NAP1L5: variants seen among roughly 807,000 people sequenced by gnomAD.
NAP1L5 encodes the protein nucleosome assembly protein 1 like 5.
For synonymous variants in NAP1L5, 125 were observed against 103.6 expected (o/e 1.21, Z -1.25); for missense variants, 249 against 246.4 (o/e 1.01, Z -0.07).
chr4:88,697,361 A>G lies in NAP1L5; in HGVS notation c.394T>C (p.Trp132Arg), dbSNP rs553353703. 1.2e-6 allele frequency: 2 copies of G among 1,613,430 alleles called. No individual in the cohort carries two copies. Among genetic ancestry groups the G allele is most frequent in the East Asian group, 2.2e-5 (1 of 44,854 alleles). Residue 132 changes from tryptophan to arginine, a missense_variant, in exon 1 of 1, where the codon TGG becomes CGG. Trp to Arg is a moderately radical substitution (Grantham distance 101). Coordinates refer to ENST00000323061, the MANE Select transcript of NAP1L5 (RefSeq NM_153757.4). Reference protein sequence around the residue: ...ELTGEMEGCAWTLEGEEEEEE... With the variant: ...ELTGEMEGCARTLEGEEEEEE... Reference sequence around the variant, plus strand: ...TCCTCCTCCTCCCCCTCCAAGGTCCATGCACACCCCTCCATCTCGCCGGTG... The same window carrying G: ...TCCTCCTCCTCCCCCTCCAAGGTCCGTGCACACCCCTCCATCTCGCCGGTG...
Position 88,697,606 on chromosome 4 carries a change from T to C in NAP1L5, c.149A>G (p.Gln50Arg). 3 of 1,613,986 alleles carry C rather than the reference T, an allele frequency of 1.9e-6. No homozygotes were observed. Among genetic ancestry groups the C allele is most frequent in the Non-Finnish European group, 2.5e-6 (3 of 1,180,040 alleles). Residue 50 changes from glutamine to arginine, a missense_variant, in exon 1 of 1, where the codon CAG becomes CGG. By Grantham distance (43) the Gln-to-Arg change is conservative (BLOSUM62 1). Transcript: ENST00000323061. The part of the protein sequence containing the change: ...AAGDPDSAAG[Q>R]MAEEPQTPAE... ...AGGGGTCTGGGGCTCCTCAGCCATC[T>C]GACCAGCCGCGCTGTCAGGGTCACC...
chr4:88,697,095 C>T lies in NAP1L5; in HGVS notation c.*111G>A. 1.0e-6 allele frequency: 1 copy of T among 1,001,326 alleles called. No homozygotes were observed. Among genetic ancestry groups the T allele is most frequent in the Non-Finnish European group, 1.4e-6 (1 of 699,090 alleles). 62.0% of individuals were successfully genotyped at this position (1,001,326 alleles called of 1,614,324 possible). ...TTTTAGGAATGTCAGAATAAATTCA[C>T]ATTGTATTTTGGTCAAAAACCTGAG... On this transcript the variant is annotated 3_prime_UTR_variant, in exon 1 of 1. Coordinates refer to ENST00000323061, the MANE Select transcript of NAP1L5 (RefSeq NM_153757.4).
In NAP1L5 at chr4:88,696,998, A is replaced by G. The variant is rs1175538155; in HGVS notation, c.*208T>C. On this transcript the variant is annotated 3_prime_UTR_variant, in exon 1 of 1. Coordinates refer to ENST00000323061, the MANE Select transcript of NAP1L5 (RefSeq NM_153757.4). The stretch of plus-strand genomic sequence containing the variant: ...AGTTTTCTTTAACACCTTTTGATAT[A>G]TTTATTATGTTCAAAATGAAAGTCA... 2.1e-6 allele frequency: 1 copy of G among 471,580 alleles called. No homozygotes were observed. The highest frequency in any genetic ancestry group is 2.0e-5 in the African/African-American group (1 of 49,392). 29.2% of individuals were successfully genotyped at this position (471,580 alleles called of 1,614,324 possible).
At position 88,696,466 on chromosome 4, in the gene NAP1L5, G is replaced by A. The variant is rs750802600; in HGVS notation, c.*740C>T. ...TATTTGGGGTATTTTTTACGTGTTT[G>A]TAAATAGACAGTACTAAGAAAACAC... On this transcript the variant is annotated 3_prime_UTR_variant, in exon 1 of 1. Coordinates refer to ENST00000323061, the MANE Select transcript of NAP1L5 (RefSeq NM_153757.4). 3.3e-5 allele frequency: 5 copies of A among 152,516 alleles called. No individual in the cohort carries two copies. The highest frequency in any genetic ancestry group is 6.5e-5 in the Admixed American group (1 of 15,280). The allele number at this position is 152,516 out of a possible 1,614,324, so 9.4% of individuals were successfully genotyped here.
rs1734555262 is a variant in NAP1L5 at position 88,695,918 on chromosome 4, T to A, written c.*1288A>T. 1 of 152,578 alleles carries A rather than the reference T, an allele frequency of 6.6e-6. No homozygotes were observed. Among genetic ancestry groups the A allele is most frequent in the African/African-American group, 2.4e-5 (1 of 41,418 alleles). 9.5% of individuals were successfully genotyped at this position (152,578 alleles called of 1,614,324 possible). On this transcript the variant is annotated 3_prime_UTR_variant, in exon 1 of 1. Transcript: ENST00000323061. ...ACAGTACCGAGTCTTTTATATATAT[T>A]TTTTGAAAATACTGTTTTATTAACA...
In NAP1L5 at chr4:88,697,764, GA is replaced by G. The variant is rs751487322; in HGVS notation, c.-11del. On this transcript the variant is annotated 5_prime_UTR_variant, in exon 1 of 1. Coordinates refer to ENST00000323061, the MANE Select transcript of NAP1L5 (RefSeq NM_153757.4). ...TTTCCGAGTCGGCCATGTTAGAGGAGAAGCCGCAGAGGTCTAGGAGGGCTCC... is the reference window on the plus strand; with the variant it reads ...TTTCCGAGTCGGCCATGTTAGAGGAGAGCCGCAGAGGTCTAGGAGGGCTCC... The G allele has an allele frequency of 8.8e-6, 14 of 1,599,190 alleles. No homozygotes were observed. Among genetic ancestry groups the G allele is most frequent in the Middle Eastern group, 4.1e-4 (2 of 4,890 alleles).
Position 88,697,625 on chromosome 4 carries a change from G to A in NAP1L5, c.130C>T (p.Pro44Ser), listed in dbSNP as rs1477453294. The A allele has an allele frequency of 6.2e-7, 1 of 1,609,152 alleles. No individual in the cohort carries two copies. The highest frequency in any genetic ancestry group is 1.3e-5 in the African/African-American group (1 of 74,912). ...GGDCDSAAGD[P>S]DSAAGQMAEE... ...GCCATCTGACCAGCCGCGCTGTCAG[G>A]GTCACCAGCCGCGCTGTCACAGTCT... Residue 44 changes from proline (P) to serine (S), a missense_variant, in exon 1 of 1, where the codon CCT becomes TCT. By Grantham distance (74) the Pro-to-Ser change is moderately conservative (BLOSUM62 -1). Coordinates refer to ENST00000323061, the MANE Select transcript of NAP1L5 (RefSeq NM_153757.4).
rs1251161107 is a variant in NAP1L5 at position 88,696,912 on chromosome 4, C to G, written c.*294G>C. ...GTTCTTTACTTCGCATCTGCTAACACCCTTTGTAAACCTCAATCCTCAGAG... is the reference window on the plus strand; with the variant it reads ...GTTCTTTACTTCGCATCTGCTAACAGCCTTTGTAAACCTCAATCCTCAGAG... On this transcript the variant is annotated 3_prime_UTR_variant, in exon 1 of 1. Transcript: ENST00000323061. The G allele has an allele frequency of 1.2e-5, 4 of 343,956 alleles. No individual in the cohort carries two copies. Among genetic ancestry groups the G allele is most frequent in the Non-Finnish European group, 2.1e-5 (4 of 193,724 alleles). 21.3% of individuals were successfully genotyped at this position (343,956 alleles called of 1,614,324 possible). A position where few individuals can be genotyped will look rare whatever the true frequency, so the allele number is the denominator to read the frequency against.
At position 88,697,542 on chromosome 4, in the gene NAP1L5, C is replaced by T. The variant is rs531063317; in HGVS notation, c.213G>A (p.Glu71=). ...GGCATTTCACCGAATTAGGCAGGCTCTCGATAAAGTCATTTTTCGGCTTTG... is the reference window on the plus strand; with the variant it reads ...GGCATTTCACCGAATTAGGCAGGCTTTCGATAAAGTCATTTTTCGGCTTTG... ...NAPKPKNDFI[E]SLPNSVKCRV... Residue 71 remains glutamate (E), a synonymous_variant, in exon 1 of 1, where the codon GAG becomes GAA. Coordinates refer to ENST00000323061, the MANE Select transcript of NAP1L5 (RefSeq NM_153757.4). 96 of 1,614,140 alleles carry T rather than the reference C, an allele frequency of 5.9e-5. 1 individual carries two copies. In the South Asian group the frequency reaches 1.0e-3, roughly 17 times the overall value.
Position 88,696,245 on chromosome 4 carries a change from C to G in NAP1L5, c.*961G>C, listed in dbSNP as rs1406158956. 2 of 152,560 alleles carry G rather than the reference C, an allele frequency of 1.3e-5. No individual in the cohort carries two copies. Among genetic ancestry groups the G allele is most frequent in the Non-Finnish European group, 2.9e-5 (2 of 68,032 alleles). The allele number at this position is 152,560 out of a possible 1,614,324, so 9.5% of individuals were successfully genotyped here. On this transcript the variant is annotated 3_prime_UTR_variant, in exon 1 of 1. Coordinates refer to ENST00000323061, the MANE Select transcript of NAP1L5 (RefSeq NM_153757.4). The stretch of plus-strand genomic sequence containing the variant: ...TTGGTTCTTCAAGTATATATTTTTT[C>G]CAAACATTAGCTTCAGTGAAGAGTT...
chr4:88,697,219 T>G lies in NAP1L5; in HGVS notation c.536A>C (p.Asp179Ala). 1 of 1,518,378 alleles carries G rather than the reference T, an allele frequency of 6.6e-7. No individual in the cohort carries two copies. The highest frequency in any genetic ancestry group is 8.8e-7 in the Non-Finnish European group (1 of 1,136,372). 94.1% of individuals were successfully genotyped at this position (1,518,378 alleles called of 1,614,324 possible). ...HDDAHAEMPD[D>A]AKK ...TCTCTGCCCCCCTTACTTCTTGGCG[T>G]CATCAGGCATCTCGGCGTGGGCATC... Residue 179 changes from aspartate (D) to alanine (A), a missense_variant, in exon 1 of 1, where the codon GAC becomes GCC. By Grantham distance (126) the Asp-to-Ala change is moderately radical (BLOSUM62 -2). Transcript: ENST00000323061.
chr4:88,697,617 G>C lies in NAP1L5; in HGVS notation c.138C>G (p.Ser46Arg), dbSNP rs546469739. 24 of 1,609,128 alleles carry C rather than the reference G, an allele frequency of 1.5e-5. No homozygotes were observed. Among genetic ancestry groups the C allele is most frequent in the African/African-American group, 1.2e-4 (9 of 74,920 alleles). Reference sequence around the variant, plus strand: ...GCTCCTCAGCCATCTGACCAGCCGCGCTGTCAGGGTCACCAGCCGCGCTGT... The same window carrying C: ...GCTCCTCAGCCATCTGACCAGCCGCCCTGTCAGGGTCACCAGCCGCGCTGT... ...DCDSAAGDPD[S>R]AAGQMAEEPQ... Residue 46 changes from serine (S) to arginine (R), a missense_variant, in exon 1 of 1, where the codon AGC (serine) becomes AGG (arginine). Ser to Arg is a moderately radical substitution (Grantham distance 110). Transcript: ENST00000323061.
rs899270008 is a variant in NAP1L5 at position 88,697,551 on chromosome 4, G to A, written c.204C>T (p.Asp68=). The change falls in exon 1 of 1, where the codon GAC becomes GAT. Residue 68 remains aspartate (D), a synonymous_variant. Transcript: ENST00000323061. Reference sequence around the variant, plus strand: ...CCGAATTAGGCAGGCTCTCGATAAAGTCATTTTTCGGCTTTGGGGCATTCT... The same window carrying A: ...CCGAATTAGGCAGGCTCTCGATAAAATCATTTTTCGGCTTTGGGGCATTCT... ...PAENAPKPKN[D]FIESLPNSVK... 5 of 1,614,050 alleles carry A rather than the reference G, an allele frequency of 3.1e-6. No homozygotes were observed. The highest frequency in any genetic ancestry group is 4.2e-6 in the Non-Finnish European group (5 of 1,180,030).
chr4:88,695,988 C>G lies in NAP1L5; in HGVS notation c.*1218G>C, dbSNP rs1309607479. On this transcript the variant is annotated 3_prime_UTR_variant, in exon 1 of 1. Coordinates refer to ENST00000323061, the MANE Select transcript of NAP1L5 (RefSeq NM_153757.4). ...TAAGCTTATGTTTCTTTATAGATCA[C>G]TGGCTCACACATAATTCAAAACCCA... 1 of 152,658 alleles carries G rather than the reference C, an allele frequency of 6.6e-6. No individual in the cohort carries two copies. Among genetic ancestry groups the G allele is most frequent in the Admixed American group, 6.5e-5 (1 of 15,280 alleles). The allele number at this position is 152,658 out of a possible 1,614,324, so 9.5% of individuals were successfully genotyped here.
Position 88,696,930 on chromosome 4 carries a change from C to T in NAP1L5, c.*276G>A, listed in dbSNP as rs1734658649. On this transcript the variant is annotated 3_prime_UTR_variant, in exon 1 of 1. Transcript: ENST00000323061. ...GCTAACACCCTTTGTAAACCTCAAT[C>T]CTCAGAGAAGAGACCATGAAAACAT... 1 of 373,210 alleles carries T rather than the reference C, an allele frequency of 2.7e-6. No individual in the cohort carries two copies. The highest frequency in any genetic ancestry group is 4.7e-6 in the Non-Finnish European group (1 of 212,142). 23.1% of individuals were successfully genotyped at this position (373,210 alleles called of 1,614,324 possible). A position where few individuals can be genotyped will look rare whatever the true frequency, so the allele number is the denominator to read the frequency against.
chr4:88,697,592 G>C lies in NAP1L5; in HGVS notation c.163C>G (p.Pro55Ala), dbSNP rs1212195384. ...DSAAGQMAEE[P>A]QTPAENAPKP... is the part of the protein sequence containing the mutation. ...GGGGCATTCTCTGCAGGGGTCTGGGGCTCCTCAGCCATCTGACCAGCCGCG... is the reference window on the plus strand; with the variant it reads ...GGGGCATTCTCTGCAGGGGTCTGGGCCTCCTCAGCCATCTGACCAGCCGCG... Residue 55 changes from proline to alanine, a missense_variant, in exon 1 of 1, where the codon CCC becomes GCC. Transcript: ENST00000323061. The C allele has an allele frequency of 5.6e-6, 9 of 1,613,604 alleles. No individual in the cohort carries two copies. The highest frequency in any genetic ancestry group is 7.6e-6 in the Non-Finnish European group (9 of 1,179,716).
At position 88,697,145 on chromosome 4, in the gene NAP1L5, G is replaced by C; in HGVS notation, c.*61C>G. 1 of 1,438,762 alleles carries C rather than the reference G, an allele frequency of 7.0e-7. No individual in the cohort carries two copies. Among genetic ancestry groups the C allele is most frequent in the Non-Finnish European group, 9.2e-7 (1 of 1,086,018 alleles). 89.1% of individuals were successfully genotyped at this position (1,438,762 alleles called of 1,614,324 possible). On this transcript the variant is annotated 3_prime_UTR_variant, in exon 1 of 1. Transcript: ENST00000323061. ...GCCTTTTTAAGTCCATCGATATTCTGGGAAAAACAAAACCAGGCTTTTTTC... is the reference window on the plus strand; with the variant it reads ...GCCTTTTTAAGTCCATCGATATTCTCGGAAAAACAAAACCAGGCTTTTTTC...
Position 88,697,305 on chromosome 4 carries a change from C to T in NAP1L5, c.450G>A (p.Glu150=), listed in dbSNP as rs968482141. Residue 150 remains glutamate, a synonymous_variant, in exon 1 of 1, where the codon GAG becomes GAA. Coordinates refer to ENST00000323061, the MANE Select transcript of NAP1L5 (RefSeq NM_153757.4). ...CCTCCTCCTCCTCCTCGTCTTCCCC[C>T]TCCTCCTCGTCATCCTCGTACTCCT... The part of the protein sequence containing the change: ...EEEEYEDDEE[E]GEDEEEEEAA... 9.3e-6 allele frequency: 15 copies of T among 1,610,682 alleles called. No individual in the cohort carries two copies. The highest frequency in any genetic ancestry group is 1.2e-5 in the Non-Finnish European group (14 of 1,177,976).
In NAP1L5 at chr4:88,696,279, T is replaced by C. The variant is rs1734589632; in HGVS notation, c.*927A>G. On this transcript the variant is annotated 3_prime_UTR_variant, in exon 1 of 1. Transcript: ENST00000323061. ...AGCTTCAGTGAAGAGTTCTGATGATTTTCACAGCTACACCCTAAAAGCTAC... is the reference window on the plus strand; with the variant it reads ...AGCTTCAGTGAAGAGTTCTGATGATCTTCACAGCTACACCCTAAAAGCTAC... The C allele has an allele frequency of 1.3e-5, 2 of 152,708 alleles. No homozygotes were observed. The highest frequency in any genetic ancestry group is 4.1e-4 in the South Asian group (2 of 4,820). The allele number at this position is 152,708 out of a possible 1,614,324, so 9.5% of individuals were successfully genotyped here.
Sources: gnomAD v4.1 joint callset for allele counts on GRCh38, gnomAD v4.1.1 for gene constraint, MANE v1.5 for transcripts, NCBI Gene and HGNC (gene_info 2026-07-23, HGNC 2026-07-21) for gene names.